TMEM183A: variants seen among roughly 807,000 people sequenced by gnomAD.
TMEM183A encodes chromosome 1 open reading frame 37.
Under a neutral mutation model 46.7 loss-of-function variants are expected in TMEM183A, and 21 were observed. That is an observed-to-expected ratio of 0.45 (90% CI 0.32 to 0.65). The LOEUF is 0.65. TMEM183A is among the 30% of genes least tolerant of loss of function. The probability of loss-of-function intolerance (pLI) is 0.04; values close to 1 mark genes in which losing one functional copy is unlikely to be tolerated. For missense variants in TMEM183A, 331 were observed against 481.9 expected, an observed-to-expected ratio of 0.69 and a Z score of 2.93; for synonymous variants, 165 against 180.2, an observed-to-expected ratio of 0.92 and a Z score of 0.68.
chr1:203,018,574 C>T lies in TMEM183A; in HGVS notation c.789+13C>T. Reference sequence around the variant, plus strand: ...GTTCAAAAAACAGGTACGTGGTCTTCTCTTTGTTTTTCAGATAATACCTTG... The same window carrying T: ...GTTCAAAAAACAGGTACGTGGTCTTTTCTTTGTTTTTCAGATAATACCTTG... On this transcript the variant is annotated intron_variant, in intron 6 of 7. Transcript: ENST00000367242. The T allele has an allele frequency of 6.2e-7, 1 of 1,611,202 alleles. No homozygotes were observed. The highest frequency in any genetic ancestry group is 8.5e-7 in the Non-Finnish European group (1 of 1,179,032).
chr1:203,021,118 A>G (rs1657645659), intron 7 of TMEM183A, among the ~76,000 whole-genome samples, 170 bp downstream of exon 7: 1 of 150,994 alleles, frequency 6.6e-6, no homozygotes. Context: ...TGCAACCTCA[A>G]AACTCCTGGG....
rs780801756 is a variant in TMEM183A, at chr1:203,016,107, A to T, written c.675A>T (p.Pro225=). 1.2e-5 allele frequency: 20 copies of T among 1,614,096 alleles called. No individual in the cohort carries two copies. The Admixed American group carries it at 3.3e-4, about 27-fold the overall frequency. The change falls in exon 5 of 8, where the codon CCA becomes CCT. Residue 225 remains proline, a synonymous_variant. Transcript: ENST00000367242. The stretch of plus-strand genomic sequence containing the variant: ...GAATCTCCAAGAATCCAGCCATTCC[A>T]GAAAGCACCCCCAGCACATTAAAGA... ...AARISKNPAI[P]ESTPSTLKNS...
At chr1:203,009,032 G>T (rs1424598323) in intron 3 of TMEM183A, among the ~76,000 whole-genome samples, 1 of 152,096 alleles carries the variant, frequency 6.6e-6, no homozygotes, top group Non-Finnish European at 1.5e-5. Flanking sequence ...ATTAGTACGT[G>T]TTAGTAGAGT....
In TMEM183A at chr1:203,024,519, T is replaced by A. The variant is rs1658013642; in HGVS notation, c.*1479T>A. 1 of 150,936 alleles carries A rather than the reference T, an allele frequency of 6.6e-6. No homozygotes were observed. Among genetic ancestry groups the A allele is most frequent in the Non-Finnish European group, 1.5e-5 (1 of 67,854 alleles). The allele number at this position is 150,936 out of a possible 1,614,324, so 9.3% of individuals were successfully genotyped here. On this transcript the variant is annotated 3_prime_UTR_variant, in exon 8 of 8. Coordinates refer to ENST00000367242, the MANE Select transcript of TMEM183A (RefSeq NM_138391.6). ...TTTTTTACCATCTTCCCTAGGAATA[T>A]TCCTAGAAAGCATCTGCTTAATTTT...
intron 3 of TMEM183A, among the ~76,000 whole-genome samples, chr1:203,010,002 T>C (rs1656399410): frequency 1.3e-5 from 2 of 151,870 alleles, no homozygotes; most frequent in South Asian, 4.2e-4. Context: ...GGCGTGGTGG[T>C]GTGCACCTGT....
At chr1:203,012,600 G>A (rs1310169087) in intron 3 of TMEM183A, among the ~76,000 whole-genome samples, 1 of 152,136 alleles carries the variant, frequency 6.6e-6, no homozygotes, top group Non-Finnish European at 1.5e-5. Context: ...TAATAATTAT[G>A]TATAAAACAC....
At chr1:203,011,728 G>T (rs1656609463) in intron 3 of TMEM183A, among the ~76,000 whole-genome samples, 1 of 152,048 alleles carries the variant, frequency 6.6e-6, no homozygotes, top group African/African-American at 2.4e-5. Context: ...TTATTGAATT[G>T]TAAGACTTCT....
At chr1:203,009,823 C>T (rs796274707) in intron 3 of TMEM183A, among the ~76,000 whole-genome samples, 4 of 152,042 alleles carry the variant, frequency 2.6e-5, no homozygotes, top group South Asian at 4.2e-4. Context: ...TGATCAGCTA[C>T]GTTTAGGTGA....
chr1:203,016,355 G>A (rs1657169173), intron 5 of TMEM183A: 4 of 606,064 alleles, frequency 6.6e-6, no homozygotes, highest in Admixed American at 3.0e-5. Flanking sequence ...GGTGCTTTTA[G>A]TGTATTCCTT....
rs149080084 is a variant in TMEM183A at position 203,011,629 on chromosome 1, G to A, written c.367+2819G>A. On this transcript the variant is annotated intron_variant, in intron 3 of 7. Coordinates refer to ENST00000367242, the MANE Select transcript of TMEM183A (RefSeq NM_138391.6). ...TCTCCATATTGGTCAGGCTGGTCTC[G>A]AACTCCAGACCTCCGGTGATCCACC... 7.5e-3 allele frequency among the ~76,000 whole-genome samples: 1,136 copies of A among 152,086 alleles called. 20 individuals carry two copies. The highest frequency in any genetic ancestry group is 0.026 in the African/African-American group (1,097 of 41,498).
At chr1:203,020,275 C>G (rs1289426846) in intron 6 of TMEM183A, among the ~76,000 whole-genome samples, 1 of 152,158 alleles carries the variant, frequency 6.6e-6, no homozygotes, top group Non-Finnish European at 1.5e-5. Flanking sequence ...AGAAAGTCCA[C>G]CTTTCTGAGA....
At chr1:203,012,180 A>ACACACACACACC in intron 3 of TMEM183A, among the ~76,000 whole-genome samples, 1 of 125,262 alleles carries the variant, frequency 8.0e-6, no homozygotes, top group Non-Finnish European at 1.7e-5. Context: ...ACACACACAC[A>ACACACACACACC]CACACGGTTA....
intron 7 of TMEM183A, 128 bp from the exon 8 acceptor site, chr1:203,022,727 T>C: frequency 7.5e-7 from 1 of 1,333,810 alleles, no homozygotes; most frequent in East Asian, 2.4e-5. Flanking sequence ...AAGGTGTTTG[T>C]TTTATAATTT....
chr1:203,012,185 C>CACACA (rs60471086), intron 3 of TMEM183A, among the ~76,000 whole-genome samples: 2 of 114,794 alleles, frequency 1.7e-5, no homozygotes, highest in Non-Finnish European at 3.6e-5. Context: ...CACACACACA[C>CACACA]GGTTATTTTG....
Position 203,014,894 on chromosome 1 carries a change from C to T in TMEM183A, c.373C>T (p.Leu125=). The change falls in exon 4 of 8, where the codon CTG becomes TTG. Residue 125 remains leucine (L), a synonymous_variant. Coordinates refer to ENST00000367242, the MANE Select transcript of TMEM183A (RefSeq NM_138391.6). ...KKKSKRHKEE[L]DGAGGEEYPM... ...TATTCTTTTTTTTGTTTCAGAAGAA[C>T]TGGACGGGGCTGGAGGAGAAGAGTA... 1 of 1,613,314 alleles carries T rather than the reference C, an allele frequency of 6.2e-7. No homozygotes were observed. The highest frequency in any genetic ancestry group is 2.2e-5 in the East Asian group (1 of 44,876).
chr1:203,021,234 G>C (rs374467695), intron 7 of TMEM183A, among the ~76,000 whole-genome samples: 2 of 152,092 alleles, frequency 1.3e-5, no homozygotes, highest in Admixed American at 1.3e-4. Flanking sequence ...GTCTCACAGC[G>C]TTGCTGAGGC....
intron 2 of TMEM183A, 60 bp from the exon 3 acceptor site, chr1:203,008,583 G>A: frequency 7.5e-7 from 1 of 1,342,134 alleles, no homozygotes; most frequent in African/African-American, 1.5e-5. Context: ...CCTTGGCTAA[G>A]TTGTTTGTAT....
chr1:203,019,038 T>C (rs191165361), intron 6 of TMEM183A, among the ~76,000 whole-genome samples: 32 of 151,352 alleles, frequency 2.1e-4, no homozygotes, highest in Non-Finnish European at 4.1e-4. Flanking sequence ...AGGCATGAAA[T>C]TGCCTTACTA....
chr1:203,024,480 A>ATTTTTTTTTTTTTTTTTTTTTTTTTT lies in TMEM183A; in HGVS notation c.*1445_*1446insTTTTTTTTTTTTTTTTTTTTTTTTTT, dbSNP rs111906628. 1 of 143,278 alleles carries ATTTTTTTTTTTTTTTTTTTTTTTTTT rather than the reference A, an allele frequency of 7.0e-6. No individual in the cohort carries two copies. The highest frequency in any genetic ancestry group is 1.5e-5 in the Non-Finnish European group (1 of 64,776). 8.9% of individuals were successfully genotyped at this position (143,278 alleles called of 1,614,324 possible). A position where few individuals can be genotyped will look rare whatever the true frequency, so the allele number is the denominator to read the frequency against. ...TTGTGAGGCAAACTGCTAAATTCAC[A>ATTTTTTTTTTTTTTTTTTTTTTTTTT]TTTTTGTTTTTTTTTTTTTACCATC... On this transcript the variant is annotated 3_prime_UTR_variant, in exon 8 of 8. Transcript: ENST00000367242.
Sources: allele counts gnomAD v4.1 joint callset (sites outside exome capture counted in the v4.1 genomes callset), GRCh38; gene constraint gnomAD v4.1.1; transcripts MANE v1.5; gene names NCBI Gene and HGNC (gene_info 2026-07-23, HGNC 2026-07-21).